PTPRN2: variants seen among roughly 807,000 people sequenced by gnomAD.
The protein encoded by PTPRN2 is protein tyrosine phosphatase receptor type N2.
In PTPRN2, 74 loss-of-function variants were observed where a neutral mutation model predicts 118.8. That is an observed-to-expected ratio of 0.62 (90% CI 0.52 to 0.76). PTPRN2 has a LOEUF of 0.76. Among genes scored for constraint, PTPRN2 ranks in the 30% least tolerant of loss-of-function variants. The pLI is 0.00. For synonymous variants in PTPRN2, 641 were observed against 608.0 expected (o/e 1.05, Z -0.80); for missense variants, 1,481 against 1,394.4 (o/e 1.06, Z -0.99).
chr7:158,022,203 T>C lies in PTPRN2; in HGVS notation c.1723+59095A>G, dbSNP rs1282721204. 6.6e-6 allele frequency among the ~76,000 whole-genome samples: 1 copy of C among 152,220 alleles called. No individual in the cohort carries two copies. Among genetic ancestry groups the C allele is most frequent in the African/African-American group, 2.4e-5 (1 of 41,452 alleles). ...GAGACATTCAAGGATGAATTTAAAT[T>C]GTGAAACTCAAGGGGCATCACCTGA... On this transcript the variant is annotated intron_variant, in intron 11 of 22. Coordinates refer to ENST00000389418, the MANE Select transcript of PTPRN2 (RefSeq NM_002847.5). This position sits in a 1 kb window ranked among gnomAD's most constrained non-coding sequence, Gnocchi z 4.6.
At chr7:158,389,978 C>T (rs936015511) in intron 2 of PTPRN2, among the ~76,000 whole-genome samples, 3 of 152,344 alleles carry the variant, frequency 2.0e-5, no homozygotes, top group East Asian at 1.9e-4. Context: ...GCATCCACCT[C>T]GGATGACTCT....
intron 6 of PTPRN2, among the ~76,000 whole-genome samples, chr7:158,146,572 T>A (rs911562339): frequency 1.1e-4 from 16 of 151,478 alleles, no homozygotes; most frequent in African/African-American, 2.4e-4. Flanking sequence ...ATACAAAAAA[T>A]TAGCCAGGCG....
intron 11 of PTPRN2, among the ~76,000 whole-genome samples, chr7:157,951,203 G>A (rs754701373): frequency 1.3e-5 from 2 of 152,024 alleles, no homozygotes; most frequent in Admixed American, 1.3e-4. Context: ...ACTCTAATAC[G>A]GTTCAGAGAA....
At chr7:158,514,848 T>C (rs1823418686) in intron 1 of PTPRN2, among the ~76,000 whole-genome samples, 1 of 152,188 alleles carries the variant, frequency 6.6e-6, no homozygotes, top group South Asian at 2.1e-4. Context: ...CTTCCAGAAC[T>C]GTCACCATCC....
In PTPRN2 at chr7:158,472,933, C is replaced by T. The variant is rs532017077; in HGVS notation, c.163+16802G>A. 4.6e-5 allele frequency among the ~76,000 whole-genome samples: 7 copies of T among 152,126 alleles called. No homozygotes were observed. In the South Asian group the frequency reaches 1.3e-3, roughly 27 times the overall value. On this transcript the variant is annotated intron_variant, in intron 2 of 22. Transcript: ENST00000389418. ...AATCAGGTCCCAAATGCTGCAAATG[C>T]TGGTGGTTAAGCATTTGCCCACACT...
intron 10 of PTPRN2, among the ~76,000 whole-genome samples, chr7:158,084,571 A>AGTT (rs1813105368): frequency 6.6e-6 from 1 of 152,098 alleles, no homozygotes; most frequent in African/African-American, 2.4e-5. Context: ...AGAGTCTCTT[A>AGTT]GGAGCAAGTA....
chr7:157,623,663 C>T (rs1269090258), intron 14 of PTPRN2, among the ~76,000 whole-genome samples: 7 of 152,200 alleles, frequency 4.6e-5, no homozygotes, highest in Non-Finnish European at 7.3e-5. Flanking sequence ...AAAATATAAA[C>T]TGAGCCTGTG....
intron 9 of PTPRN2, among the ~76,000 whole-genome samples, chr7:158,128,348 G>A (rs1254381854): frequency 6.6e-6 from 1 of 152,120 alleles, no homozygotes; most frequent in Non-Finnish European, 1.5e-5. Flanking sequence ...GTCTTCACCA[G>A]ATAGCTTCCA....
At position 158,351,885 on chromosome 7, in the gene PTPRN2, T is replaced by TCCCCTCCTGTCCGCTCCCCTCCTGTCC. The variant is rs1563190229; in HGVS notation, c.164-34954_164-34953insGGACAGGAGGGGAGCGGACAGGAGGGG. Among the ~76,000 whole-genome samples, 30 of 31,676 alleles carry TCCCCTCCTGTCCGCTCCCCTCCTGTCC rather than the reference T, an allele frequency of 9.5e-4. 7 individuals carry two copies. Among genetic ancestry groups the TCCCCTCCTGTCCGCTCCCCTCCTGTCC allele is most frequent in the Non-Finnish European group, 1.7e-3 (22 of 12,904 alleles). 20.8% of individuals were successfully genotyped at this position (31,676 alleles called of 152,430 possible). On this transcript the variant is annotated intron_variant, in intron 2 of 22. Coordinates refer to ENST00000389418, the MANE Select transcript of PTPRN2 (RefSeq NM_002847.5). Reference sequence around the variant, plus strand: ...CTCCCAGCCCAGCTCCCCTCCTGTCTGCTCGCCTCCTGTCCGCTCCCCTCC... The same window carrying TCCCCTCCTGTCCGCTCCCCTCCTGTCC: ...CTCCCAGCCCAGCTCCCCTCCTGTCTCCCCTCCTGTCCGCTCCCCTCCTGTCCGCTCGCCTCCTGTCCGCTCCCCTCC...
intron 12 of PTPRN2, among the ~76,000 whole-genome samples, chr7:157,856,842 C>T (rs922090462): frequency 6.6e-6 from 1 of 152,098 alleles, no homozygotes; most frequent in Non-Finnish European, 1.5e-5. Context: ...CTTTTTTTGA[C>T]CTGTTAAGTA....
At position 157,615,416 on chromosome 7, in the gene PTPRN2, A is replaced by C. The variant is rs1052915413; in HGVS notation, c.2344+5946T>G. ...CCAGCTCTGTCCCTGTGTGAATCTC[A>C]GGGCTGTTTCGAGGATGAAAAGGAG... On this transcript the variant is annotated intron_variant, in intron 15 of 22. Transcript: ENST00000389418. This position sits in a 1 kb window ranked among gnomAD's most constrained non-coding sequence, Gnocchi z 4.3. 2.1e-6 allele frequency: 1 copy of C among 471,004 alleles called. No homozygotes were observed. The highest frequency in any genetic ancestry group is 7.0e-5 in the East Asian group (1 of 14,382). 29.2% of individuals were successfully genotyped at this position (471,004 alleles called of 1,614,324 possible). A position where few individuals can be genotyped will look rare whatever the true frequency, so the allele number is the denominator to read the frequency against.
chr7:157,939,272 T>C (rs538516841), intron 11 of PTPRN2, among the ~76,000 whole-genome samples: 1 of 152,288 alleles, frequency 6.6e-6, no homozygotes, highest in East Asian at 1.9e-4. Flanking sequence ...TACAATAAGA[T>C]AAAATAAAGC....
intron 11 of PTPRN2, among the ~76,000 whole-genome samples, chr7:157,932,519 C>A (rs1799421349): frequency 6.6e-6 from 1 of 152,014 alleles, no homozygotes. Context: ...CTTGAATTGA[C>A]AGTTTTAGAG....
intron 3 of PTPRN2, among the ~76,000 whole-genome samples, chr7:158,212,742 G>A (rs1827695108): frequency 6.6e-6 from 1 of 151,978 alleles, no homozygotes; most frequent in East Asian, 1.9e-4. Context: ...TCCTCTACCT[G>A]CCCGCCACCA....
Position 157,591,009 on chromosome 7 carries a change from TGG to T in PTPRN2, c.2496+4227_2496+4228del, listed in dbSNP as rs1410549869. ...TGGAACCCATGAATGTGGTCTTATTTGGAAATAGGGTCTTTGCATATGTGGTC... is the reference window on the plus strand; with the variant it reads ...TGGAACCCATGAATGTGGTCTTATTTAAATAGGGTCTTTGCATATGTGGTC... On this transcript the variant is annotated intron_variant, in intron 17 of 22. Transcript: ENST00000389418. The surrounding 1 kb of genome is among the most constrained non-coding windows in gnomAD (Gnocchi z 4.4). Among the ~76,000 whole-genome samples, 44 of 152,268 alleles carry T rather than the reference TGG, an allele frequency of 2.9e-4. No individual in the cohort carries two copies. Among genetic ancestry groups the T allele is most frequent in the African/African-American group, 9.4e-4 (39 of 41,558 alleles).
intron 10 of PTPRN2, among the ~76,000 whole-genome samples, chr7:158,097,898 C>T (rs773501555): frequency 1.1e-4 from 16 of 152,226 alleles, no homozygotes; most frequent in Middle Eastern, 3.2e-3. Context: ...GCTTGCGCAT[C>T]CTGTCCGCCT....
In PTPRN2 at chr7:157,632,952, G is replaced by A. The variant is rs1369828533; in HGVS notation, c.2197-11443C>T. On this transcript the variant is annotated intron_variant, in intron 14 of 22. Transcript: ENST00000389418. The surrounding 1 kb of genome is among the most constrained non-coding windows in gnomAD (Gnocchi z 4.3). Reference sequence around the variant, plus strand: ...ATGCCTCATCTGGTTTTGGGACAGAGGGCTAAGAGCTGCTGTCATTTCTGT... The same window carrying A: ...ATGCCTCATCTGGTTTTGGGACAGAAGGCTAAGAGCTGCTGTCATTTCTGT... 3.3e-5 allele frequency among the ~76,000 whole-genome samples: 5 copies of A among 152,104 alleles called. No individual in the cohort carries two copies. The highest frequency in any genetic ancestry group is 1.2e-4 in the African/African-American group (5 of 41,412).
rs942276373 is a variant in PTPRN2 at position 158,003,734 on chromosome 7, A to G, written c.1723+77564T>C. 6.6e-6 allele frequency among the ~76,000 whole-genome samples: 1 copy of G among 151,444 alleles called. No individual in the cohort carries two copies. The highest frequency in any genetic ancestry group is 1.5e-5 in the Non-Finnish European group (1 of 67,850). ...GGGCTCCAGCCCTGCGGTTGGCGGGATCCAGGTTTCTTGGTGGTGGCGAGC... is the reference window on the plus strand; with the variant it reads ...GGGCTCCAGCCCTGCGGTTGGCGGGGTCCAGGTTTCTTGGTGGTGGCGAGC... On this transcript the variant is annotated intron_variant, in intron 11 of 22. Coordinates refer to ENST00000389418, the MANE Select transcript of PTPRN2 (RefSeq NM_002847.5). This position sits in a 1 kb window ranked among gnomAD's most constrained non-coding sequence, Gnocchi z 5.0.
chr7:157,587,734 A>G lies in PTPRN2; in HGVS notation c.2496+7504T>C, dbSNP rs1260065485. Among the ~76,000 whole-genome samples the G allele has an allele frequency of 6.6e-6, 1 of 152,098 alleles. No individual in the cohort carries two copies. The highest frequency in any genetic ancestry group is 1.9e-4 in the East Asian group (1 of 5,178). Reference sequence around the variant, plus strand: ...GGCCAGGAGAGCTGTTTCGTGTCTGACTCTGTCCTGAAAGGCAGCCTGTTC... The same window carrying G: ...GGCCAGGAGAGCTGTTTCGTGTCTGGCTCTGTCCTGAAAGGCAGCCTGTTC... On this transcript the variant is annotated intron_variant, in intron 17 of 22. Coordinates refer to ENST00000389418, the MANE Select transcript of PTPRN2 (RefSeq NM_002847.5). The surrounding 1 kb of genome is among the most constrained non-coding windows in gnomAD (Gnocchi z 5.3).
Sources: gnomAD v4.1 joint callset for allele counts (sites outside exome capture counted in the v4.1 genomes callset) on GRCh38, gnomAD v4.1.1 for gene constraint, Gnocchi (gnomAD v3.1) non-coding constraint, MANE v1.5 for transcripts, NCBI Gene and HGNC (gene_info 2026-07-23, HGNC 2026-07-21) for gene names.